ZMYM1: variants seen among roughly 807,000 people sequenced by gnomAD.
ZMYM1 encodes the protein zinc finger MYM-type containing 1, also known as zinc finger MYM-type protein 1.
A neutral mutation model predicts 60.0 loss-of-function variants in ZMYM1; 39 were observed. That is an observed-to-expected ratio of 0.65 (90% confidence interval 0.50 to 0.85). ZMYM1 has a LOEUF of 0.85. ZMYM1 is among the 40% of genes least tolerant of loss of function. ZMYM1 has a pLI of 0.00. For missense variants in ZMYM1, 1,171 were observed against 1,309.5 expected (o/e 0.89, Z 1.63); for synonymous variants, 413 against 454.0 (o/e 0.91, Z 1.15).
At chr1:35,086,734 G>A (rs906499470) in intron 1 of ZMYM1, among the ~76,000 whole-genome samples, 3 of 150,608 alleles carry the variant, frequency 2.0e-5, no homozygotes, top group African/African-American at 2.4e-5. Context: ...AGGCTTGAGC[G>A]ACAGTGAGCT....
Position 35,104,764 on chromosome 1 carries a change from A to G in ZMYM1, c.802A>G (p.Lys268Glu). Residue 268 changes from lysine (K) to glutamate (E), a missense_variant, in exon 6 of 10, where the codon AAG becomes GAG. Coordinates refer to ENST00000359858, the MANE Select transcript of ZMYM1 (RefSeq NM_024772.5). ...TAGTTCAAAGAGTATTACAGCATAT[A>G]AGCAGGTATGAATAAAGACCTATTG... is the stretch of plus-strand genomic sequence containing the variant. ...FNSSKSITAY[K>E]QKPAKPLISV... 1 of 1,610,680 alleles carries G rather than the reference A, an allele frequency of 6.2e-7. No individual in the cohort carries two copies. Among genetic ancestry groups the G allele is most frequent in the Non-Finnish European group, 8.5e-7 (1 of 1,177,072 alleles).
chr1:35,095,949 T>C (rs1643291959), intron 3 of ZMYM1, 58 bp downstream of exon 3: 14 of 1,286,416 alleles, frequency 1.1e-5, no homozygotes, highest in Non-Finnish European at 1.6e-5. Flanking sequence ...AGCTGATTCA[T>C]TCTTTTTTAA....
chr1:35,075,582 G>A (rs548906134), upstream of ZMYM1, among the ~76,000 whole-genome samples: 21 of 152,260 alleles, frequency 1.4e-4, no homozygotes, highest in African/African-American at 5.1e-4. Flanking sequence ...TAGAAGAGTT[G>A]TAGAGGCTGC....
chr1:35,082,196 CG>C (rs1642422182), intron 1 of ZMYM1, among the ~76,000 whole-genome samples: 1 of 149,508 alleles, frequency 6.7e-6, no homozygotes, highest in Admixed American at 6.7e-5. Context: ...TTCTAAAATG[CG>C]GATCTTGTAT....
Position 35,092,555 on chromosome 1 carries a change from TTTC to T in ZMYM1, c.-74-1356_-74-1354del, listed in dbSNP as rs531969922. 1.9e-3 allele frequency among the ~76,000 whole-genome samples: 283 copies of T among 151,340 alleles called. 2 individuals are homozygous for T. Among genetic ancestry groups the T allele is most frequent in the Admixed American group, 5.0e-3 (76 of 15,154 alleles). ...TGTGCCCGGCCAACAGGTCTTTTCT[TTTC>T]TTTTCTTTTCCTTTTCTTTCTTTCT... On this transcript the variant is annotated intron_variant, in intron 1 of 9. Coordinates refer to ENST00000359858, the MANE Select transcript of ZMYM1 (RefSeq NM_024772.5).
downstream of ZMYM1, among the ~76,000 whole-genome samples, chr1:35,116,969 G>A (rs1442659386): frequency 5.0e-5 from 7 of 139,768 alleles, no homozygotes; most frequent in Admixed American, 7.7e-5. Context: ...TCAGCCTCCC[G>A]AGTAGCTGGG....
chr1:35,107,290 C>T (rs981299178), intron 6 of ZMYM1, among the ~76,000 whole-genome samples: 2 of 146,002 alleles, frequency 1.4e-5, no homozygotes, highest in African/African-American at 5.1e-5. Context: ...GAAACCCCAT[C>T]GTTACTAAAA....
chr1:35,112,195 T>C, intron 9 of ZMYM1, 65 bp downstream of exon 9: 1 of 1,532,392 alleles, frequency 6.5e-7, no homozygotes, highest in Non-Finnish European at 9.0e-7. Context: ...TTGTTGTTGT[T>C]GAGACAGAGT....
chr1:35,082,733 A>C (rs1184365813), intron 1 of ZMYM1, among the ~76,000 whole-genome samples: 9 of 150,844 alleles, frequency 6.0e-5, no homozygotes, highest in Non-Finnish European at 8.9e-5. Flanking sequence ...TAATCCCAGC[A>C]CTTTGGAAGG....
At chr1:35,108,765 G>A (rs1233077362) in intron 6 of ZMYM1, among the ~76,000 whole-genome samples, 1 of 147,920 alleles carries the variant, frequency 6.8e-6, no homozygotes, top group African/African-American at 2.5e-5. Flanking sequence ...AGGCTGGAGT[G>A]CATGGTGTGA....
chr1:35,070,489 C>T (rs991397916), intron 1 of ZMYM1, among the ~76,000 whole-genome samples: 3 of 152,064 alleles, frequency 2.0e-5, no homozygotes, highest in African/African-American at 7.2e-5. Flanking sequence ...TTGGTGGAGT[C>T]TTTAGATTTT....
chr1:35,094,875 A>G (rs775961578), intron 2 of ZMYM1, among the ~76,000 whole-genome samples: 4 of 152,172 alleles, frequency 2.6e-5, no homozygotes, highest in Non-Finnish European at 2.9e-5. Flanking sequence ...GAATGTTTGT[A>G]TATGAACTGT....
chr1:35,076,329 G>T (rs764038797), upstream of ZMYM1, among the ~76,000 whole-genome samples: 6 of 152,102 alleles, frequency 3.9e-5, no homozygotes, highest in Non-Finnish European at 4.4e-5. Flanking sequence ...GTAAAAAAAG[G>T]TTCAATTTCT....
Position 35,109,009 on chromosome 1 carries a change from C to T in ZMYM1, c.808-1285C>T, listed in dbSNP as rs532985779. ...ACGGGCAAGAGCCACCACACTGAGC[C>T]TGATGTATTATTTTTTCTTTCTTTT... is the stretch of plus-strand genomic sequence containing the variant. On this transcript the variant is annotated intron_variant, in intron 6 of 9. Transcript: ENST00000359858. Among the ~76,000 whole-genome samples the T allele has an allele frequency of 1.5e-3, 229 of 151,892 alleles. 2 individuals are homozygous for T. The highest frequency in any genetic ancestry group is 2.4e-3 in the Non-Finnish European group (166 of 67,912).
chr1:35,117,597 C>T (rs368933374), downstream of ZMYM1, among the ~76,000 whole-genome samples: 2 of 152,020 alleles, frequency 1.3e-5, no homozygotes, highest in African/African-American at 4.8e-5. Context: ...GCTGGGATTA[C>T]AGGCATAAGC....
intron 1 of ZMYM1, among the ~76,000 whole-genome samples, chr1:35,089,076 C>T (rs1329903330): frequency 3.9e-5 from 6 of 152,066 alleles, no homozygotes; most frequent in South Asian, 4.1e-4. Flanking sequence ...CCTCCCAGAG[C>T]GCAGGGATTT....
Position 35,113,069 on chromosome 1 carries a change from T to G in ZMYM1, c.1239T>G (p.Ser413Arg), listed in dbSNP as rs766380291. ...TTTCACCATCTTCATCAGTATTCAG[T>G]CAGCATGCAATTGGTTCCAGTACAG... Reference protein sequence around the residue: ...PSVSPSSSVFSQHAIGSSTEV... With the variant: ...PSVSPSSSVFRQHAIGSSTEV... Residue 413 changes from serine to arginine, a missense_variant, in exon 10 of 10, where the codon AGT (serine) becomes AGG (arginine). Physicochemically the swap from Ser to Arg is moderately radical, Grantham distance 110. Coordinates refer to ENST00000359858, the MANE Select transcript of ZMYM1 (RefSeq NM_024772.5). 17 of 1,613,928 alleles carry G rather than the reference T, an allele frequency of 1.1e-5. No individual in the cohort carries two copies. Among genetic ancestry groups the G allele is most frequent in the Non-Finnish European group, 3.4e-6 (4 of 1,179,986 alleles).
At chr1:35,117,695 C>T (rs1644262810), downstream of ZMYM1, among the ~76,000 whole-genome samples, 1 of 151,666 alleles carries the variant, frequency 6.6e-6, no homozygotes, top group African/African-American at 2.4e-5. Context: ...AATCACAGTA[C>T]TTTGGGAGGC....
chr1:35,116,891 G>A (rs1390180234), downstream of ZMYM1, among the ~76,000 whole-genome samples: 1 of 134,480 alleles, frequency 7.4e-6, no homozygotes, highest in Non-Finnish European at 1.5e-5. Flanking sequence ...TCGCCCAGGC[G>A]GGAGTGCTGT....
Sources: allele counts gnomAD v4.1 joint callset (sites outside exome capture counted in the v4.1 genomes callset), GRCh38; gene constraint gnomAD v4.1.1; transcripts MANE v1.5; gene names NCBI Gene and HGNC (gene_info 2026-07-23, HGNC 2026-07-21).